The following EYS variants were observed in gnomAD, a reference collection of about 807,000 sequenced individuals.
EYS encodes protein eyes shut homolog.
In EYS, 250 loss-of-function variants were observed where a neutral mutation model predicts 282.1. The ratio of observed to expected loss-of-function variants is 0.89; its 90% CI spans 0.80 to 0.98. EYS has a LOEUF of 0.98. Among genes scored for constraint, EYS ranks in the 50% least tolerant of loss-of-function variants. The pLI is 0.00. For synonymous variants in EYS, 1,355 were observed against 1,282.9 expected (o/e 1.06, Z -1.20); for missense variants, 4,016 against 3,709.0 (o/e 1.08, Z -2.15).
At chr6:65,125,546 C>T (rs1374513677) in intron 12 of EYS, among the ~76,000 whole-genome samples, 1 of 152,050 alleles carries the variant, frequency 6.6e-6, no homozygotes, top group African/African-American at 2.4e-5. Context: ...TAATATATGT[C>T]TATTATTTCT....
At chr6:64,694,639 G>A (rs926172404) in intron 22 of EYS, among the ~76,000 whole-genome samples, 6 of 152,294 alleles carry the variant, frequency 3.9e-5, no homozygotes, top group African/African-American at 1.2e-4. Flanking sequence ...TCACTGGTTT[G>A]GAGACTAACT....
At position 65,562,488 on chromosome 6, in the gene EYS, G is replaced by GA. The variant is rs554065759; in HGVS notation, c.-332-66496dup. ...ACAGAATGGAAAGAATGAAATAAGT[G>GA]AAAAAACCCCTGAAATATTAGAAAT... On this transcript the variant is annotated intron_variant, in intron 2 of 42. Coordinates refer to ENST00000503581, the MANE Select transcript of EYS (RefSeq NM_001142800.2). Among the ~76,000 whole-genome samples the GA allele has an allele frequency of 1.1e-3, 169 of 152,014 alleles. 4 individuals are homozygous for GA. In the South Asian group the frequency reaches 0.034, roughly 31 times the overall value.
At chr6:65,325,373 C>T (rs553546250) in intron 11 of EYS, among the ~76,000 whole-genome samples, 1 of 152,168 alleles carries the variant, frequency 6.6e-6, no homozygotes, top group Non-Finnish European at 1.5e-5. Flanking sequence ...GATACCTACA[C>T]TGTCTCATTT....
chr6:64,214,624 T>G (rs1765876229), intron 31 of EYS, among the ~76,000 whole-genome samples: 1 of 151,970 alleles, frequency 6.6e-6, no homozygotes, highest in East Asian at 1.9e-4. Context: ...CTACACAGAT[T>G]AAAGATGTAT....
rs1480808960 is a variant in EYS, at chr6:64,013,029, C to T, written c.6726-13846G>A. 4.6e-5 allele frequency among the ~76,000 whole-genome samples: 7 copies of T among 152,234 alleles called. No individual in the cohort carries two copies. The East Asian group carries it at 1.4e-3, about 29-fold the overall frequency. On this transcript the variant is annotated intron_variant, in intron 33 of 42. Transcript: ENST00000503581. ...CTAGTTTTAGATTATATTAGTTAGA[C>T]TTCTCTCTGACAAAACAGCCCAAAT...
In EYS at chr6:64,559,271, ATGTGTG is replaced by A. The variant is rs4034160; in HGVS notation, c.5644+30946_5644+30951del. 4.8e-3 allele frequency among the ~76,000 whole-genome samples: 687 copies of A among 142,314 alleles called. 3 individuals carry two copies. Among genetic ancestry groups the A allele is most frequent in the African/African-American group, 0.016 (620 of 37,994 alleles). 93.4% of individuals were successfully genotyped at this position (142,314 alleles called of 152,430 possible). ...CTTCTTTGTATGTGTGTGTGTGTGCATGTGTGTGTGTGTGTGTGTGTGTGTGTGTGT... is the reference window on the plus strand; with the variant it reads ...CTTCTTTGTATGTGTGTGTGTGTGCATGTGTGTGTGTGTGTGTGTGTGTGT... On this transcript the variant is annotated intron_variant, in intron 26 of 42. Transcript: ENST00000503581.
In EYS at chr6:64,697,034, A is replaced by G. The variant is rs138564131; in HGVS notation, c.3444-70789T>C. Among the ~76,000 whole-genome samples, 322 of 152,330 alleles carry G rather than the reference A, an allele frequency of 2.1e-3. 4 individuals carry two copies. The South Asian group carries it at 0.032, about 15-fold the overall frequency. ...ACAAAGCAACTAAATAATGCTTAACATTACAACAGGAACAAATCCTGTCAG... is the reference window on the plus strand; with the variant it reads ...ACAAAGCAACTAAATAATGCTTAACGTTACAACAGGAACAAATCCTGTCAG... On this transcript the variant is annotated intron_variant, in intron 22 of 42. Coordinates refer to ENST00000503581, the MANE Select transcript of EYS (RefSeq NM_001142800.2).
chr6:64,510,500 G>C (rs1326544774), intron 26 of EYS, among the ~76,000 whole-genome samples: 1 of 151,900 alleles, frequency 6.6e-6, no homozygotes, highest in Non-Finnish European at 1.5e-5. Flanking sequence ...GGTACGTCAA[G>C]AGATTGTACA....
chr6:64,495,706 C>A (rs750636162), intron 26 of EYS, among the ~76,000 whole-genome samples: 1 of 151,742 alleles, frequency 6.6e-6, no homozygotes, highest in East Asian at 1.9e-4. Context: ...GACGTTAAAC[C>A]TTTTATTTCC....
intron 35 of EYS, among the ~76,000 whole-genome samples, chr6:63,952,977 G>A (rs747206879): frequency 1.3e-5 from 2 of 152,044 alleles, no homozygotes; most frequent in Non-Finnish European, 2.9e-5. Flanking sequence ...CATTTTACCT[G>A]TCCAAAAACT....
intron 34 of EYS, among the ~76,000 whole-genome samples, chr6:63,996,562 G>T (rs1428896259): frequency 4.6e-5 from 7 of 151,802 alleles, no homozygotes; most frequent in Non-Finnish European, 1.0e-4. Context: ...CAATAAATCA[G>T]ATTAGAAATA....
chr6:65,358,182 A>T (rs1008226254), intron 8 of EYS, among the ~76,000 whole-genome samples: 9 of 152,020 alleles, frequency 5.9e-5, no homozygotes, highest in Admixed American at 2.6e-4. Context: ...TTTGGAACTG[A>T]TGCTTTAAAA....
chr6:64,359,893 T>A (rs1771949045), intron 29 of EYS, among the ~76,000 whole-genome samples: 1 of 151,632 alleles, frequency 6.6e-6, no homozygotes, highest in Non-Finnish European at 1.5e-5. Context: ...CAGTCCATAA[T>A]CATCCTCATT....
chr6:63,807,225 T>C (rs1174263560), intron 36 of EYS, among the ~76,000 whole-genome samples: 1 of 152,208 alleles, frequency 6.6e-6, no homozygotes, highest in Admixed American at 6.5e-5. Flanking sequence ...CTGTCTTTTA[T>C]GGATGATGTC....
At chr6:65,454,441 T>G (rs1442649403) in intron 5 of EYS, among the ~76,000 whole-genome samples, 2 of 151,994 alleles carry the variant, frequency 1.3e-5, no homozygotes, top group Non-Finnish European at 2.9e-5. Flanking sequence ...ATATTTTCTC[T>G]CATTTGTAGG....
chr6:64,778,908 G>A (rs1199329625), intron 22 of EYS, among the ~76,000 whole-genome samples: 1 of 152,052 alleles, frequency 6.6e-6, no homozygotes, highest in African/African-American at 2.4e-5. Context: ...AGCTATCCAC[G>A]CTATTTGTCA....
chr6:64,930,330 G>A lies in EYS; in HGVS notation c.2381+15463C>T, dbSNP rs994556916. ...CACACATATTTTGTTCAAACCTCCG[G>A]TTTTTGTGAAGGAAAAATCTTTTAA... On this transcript the variant is annotated intron_variant, in intron 15 of 42. Transcript: ENST00000503581. Among the ~76,000 whole-genome samples the A allele has an allele frequency of 3.3e-5, 5 of 151,854 alleles. No individual in the cohort carries two copies. In the East Asian group the frequency reaches 5.8e-4, roughly 18 times the overall value.
At chr6:65,553,658 A>G (rs918287352) in intron 2 of EYS, among the ~76,000 whole-genome samples, 1 of 152,078 alleles carries the variant, frequency 6.6e-6, no homozygotes, top group Admixed American at 6.5e-5. Context: ...ACAAATTAAA[A>G]CAAAACAAAC....
chr6:64,157,407 T>C (rs1421902713), intron 31 of EYS, among the ~76,000 whole-genome samples: 2 of 152,140 alleles, frequency 1.3e-5, no homozygotes, highest in African/African-American at 4.8e-5. Context: ...TGAGGAGAAA[T>C]TGAAGCCAGC....
Sources: allele counts gnomAD v4.1 joint callset (sites outside exome capture counted in the v4.1 genomes callset), GRCh38; gene constraint gnomAD v4.1.1; transcripts MANE v1.5; gene names NCBI Gene and HGNC (gene_info 2026-07-23, HGNC 2026-07-21).